The following QPRT variants were observed in gnomAD, a reference collection of about 807,000 sequenced individuals.
QPRT encodes the protein quinolinate phosphoribosyltransferase.
A neutral mutation model predicts 19.8 loss-of-function variants in QPRT; 17 were observed. The ratio of observed to expected loss-of-function variants is 0.86; its 90% CI spans 0.59 to 1.29. The LOEUF (loss-of-function observed/expected upper bound fraction) is 1.29, where lower values mean the gene tolerates loss of function less well. Among genes scored for constraint, QPRT ranks in the 50% most tolerant of loss-of-function variants. QPRT has a pLI of 0.00. For missense variants in QPRT, 336 were observed against 405.1 expected, an observed-to-expected ratio of 0.83 and a Z score of 1.46; for synonymous variants, 178 against 191.0, an observed-to-expected ratio of 0.93 and a Z score of 0.56.
chr16:29,695,835 T>C (rs905368612), intron 2 of QPRT: 1 of 146,864 alleles, frequency 6.8e-6, no homozygotes, highest in Non-Finnish European at 1.4e-5. Flanking sequence ...GGTCTCACTA[T>C]GTTGCCCAGG....
chr16:29,679,943 T>A (rs933854354), intron 1 of QPRT, among the ~76,000 whole-genome samples: 2 of 151,526 alleles, frequency 1.3e-5, no homozygotes, highest in Admixed American at 1.3e-4. Flanking sequence ...AGCATATGTC[T>A]AACTACTAAG....
At chr16:29,679,776 G>A (rs1420949687) in intron 1 of QPRT, among the ~76,000 whole-genome samples, 2 of 152,130 alleles carry the variant, frequency 1.3e-5, no homozygotes, top group Non-Finnish European at 2.9e-5. Flanking sequence ...TTGCTAAAGT[G>A]AAGGCTGCAG....
chr16:29,697,638 A>G lies in QPRT; in HGVS notation c.*227A>G, dbSNP rs1291715804. 2 of 565,666 alleles carry G rather than the reference A, an allele frequency of 3.5e-6. No individual in the cohort carries two copies. Among genetic ancestry groups the G allele is most frequent in the African/African-American group, 1.9e-5 (1 of 52,978 alleles). The allele number at this position is 565,666 out of a possible 1,614,324, so 35.0% of individuals were successfully genotyped here. ...ATGGGTCTAATAAAGGATCAACCAC[A>G]TGGGGTTCTGCGGTGATAATGAGCA... On this transcript the variant is annotated 3_prime_UTR_variant, in exon 4 of 4. Transcript: ENST00000395384. This position sits in a 1 kb window ranked among gnomAD's most constrained non-coding sequence, Gnocchi z 4.4.
chr16:29,687,432 TG>T (rs1305709653), intron 1 of QPRT, among the ~76,000 whole-genome samples: 1 of 152,234 alleles, frequency 6.6e-6, no homozygotes, highest in Non-Finnish European at 1.5e-5. Flanking sequence ...GCCCAGGCTC[TG>T]GGGCCGCACA....
At chr16:29,691,238 A>T (rs13337067) in intron 1 of QPRT, among the ~76,000 whole-genome samples, 1 of 150,824 alleles carries the variant, frequency 6.6e-6, no homozygotes, top group Non-Finnish European at 1.5e-5. Context: ...GGTGGCGGGC[A>T]CCTGTAATCC....
intron 1 of QPRT, among the ~76,000 whole-genome samples, chr16:29,694,053 G>T (rs1182122554): frequency 6.6e-6 from 1 of 151,852 alleles, no homozygotes; most frequent in Non-Finnish European, 1.5e-5. Flanking sequence ...GACCTCAAGT[G>T]ATCTGCCTGC....
At chr16:29,683,150 G>A (rs1009815588) in intron 1 of QPRT, among the ~76,000 whole-genome samples, 5 of 151,260 alleles carry the variant, frequency 3.3e-5, no homozygotes, top group Non-Finnish European at 7.4e-5. Flanking sequence ...CCAGTCTCCC[G>A]AGTAGCTGGG....
intron 1 of QPRT, among the ~76,000 whole-genome samples, chr16:29,691,558 G>C (rs529609954): frequency 1.3e-5 from 2 of 152,042 alleles, no homozygotes; most frequent in South Asian, 4.2e-4. Flanking sequence ...TGGTTGGTGT[G>C]CGCCTGTAGT....
chr16:29,697,210 C>T lies in QPRT; in HGVS notation c.693C>T (p.Pro231=). The stretch of plus-strand genomic sequence containing the variant: ...CTTGTGTCCCGCAGGAGCTGCACCC[C>T]ACGGCCACCGTGCTGAAGGCCCAGT... ...LDNFKPEELH[P]TATVLKAQFP... Residue 231 remains proline (P), a synonymous_variant, in exon 4 of 4, where the codon CCC becomes CCT. Transcript: ENST00000395384. The surrounding 1 kb of genome is among the most constrained non-coding windows in gnomAD (Gnocchi z 4.4). 6.2e-7 allele frequency: 1 copy of T among 1,610,388 alleles called. No homozygotes were observed. The highest frequency in any genetic ancestry group is 8.5e-7 in the Non-Finnish European group (1 of 1,177,594).
chr16:29,689,713 CTG>C (rs1343974813), intron 1 of QPRT, among the ~76,000 whole-genome samples: 3 of 152,108 alleles, frequency 2.0e-5, no homozygotes, highest in Non-Finnish European at 1.5e-5. Context: ...GACCTAGCAA[CTG>C]TTGTTATCTA....
chr16:29,681,541 G>C, intron 1 of QPRT, among the ~76,000 whole-genome samples: 1 of 122,208 alleles, frequency 8.2e-6, no homozygotes. Context: ...CTGTTGTCCA[G>C]GCTGGAGTGC....
intron 1 of QPRT, among the ~76,000 whole-genome samples, chr16:29,692,588 T>C (rs1293862619): frequency 6.8e-6 from 1 of 146,232 alleles, no homozygotes; most frequent in Non-Finnish European, 1.5e-5. Flanking sequence ...AAAGTGTGGG[T>C]ATATAGTAGG....
chr16:29,695,243 A>ACCCCT lies in QPRT; in HGVS notation c.549+61_549+65dup, dbSNP rs1227759938. ...CCTGGTCCAACCCCACCCTCAGCAC[A>ACCCCT]CCCCTCCCCTCCCCTCCCCTCTCCA... On this transcript the variant is annotated intron_variant, in intron 2 of 3. Coordinates refer to ENST00000395384, the MANE Select transcript of QPRT (RefSeq NM_014298.6). The ACCCCT allele has an allele frequency of 6.0e-5, 88 of 1,472,166 alleles. 1 individual carries two copies. The South Asian group carries it at 1.0e-3, about 17-fold the overall frequency. The allele number at this position is 1,472,166 out of a possible 1,614,324, so 91.2% of individuals were successfully genotyped here. A position where few individuals can be genotyped will look rare whatever the true frequency, so the allele number is the denominator to read the frequency against.
At chr16:29,681,400 C>G (rs1966997591) in intron 1 of QPRT, among the ~76,000 whole-genome samples, 3 of 151,446 alleles carry the variant, frequency 2.0e-5, no homozygotes. Context: ...TTCATGAACC[C>G]CAGAATTTGC....
In QPRT at chr16:29,694,949, G is replaced by A; in HGVS notation, c.299G>A (p.Gly100Glu). 6.2e-7 allele frequency: 1 copy of A among 1,611,402 alleles called. No individual in the cohort carries two copies. Among genetic ancestry groups the A allele is most frequent in the Non-Finnish European group, 8.5e-7 (1 of 1,179,680 alleles). ...GGCCCTGCCCACTGCCTGCTGCTGG[G>A]GGAACGGGTGGCCCTCAACACGCTG... ...VRGPAHCLLL[G>E]ERVALNTLAR... Residue 100 changes from glycine (G) to glutamate (E), a missense_variant, in exon 2 of 4, where the codon GGG (glycine) becomes GAG (glutamate). Physicochemically the swap from Gly to Glu is moderately conservative, Grantham distance 98. Transcript: ENST00000395384.
intron 1 of QPRT, among the ~76,000 whole-genome samples, chr16:29,681,107 G>C (rs1055942152): frequency 1.3e-5 from 2 of 151,358 alleles, no homozygotes; most frequent in African/African-American, 4.9e-5. Context: ...GTCCCATGCA[G>C]GATGCCACGC....
rs1967594214 is a variant in QPRT at position 29,697,748 on chromosome 16, G to A, written c.*337G>A. 9.3e-6 allele frequency: 2 copies of A among 215,500 alleles called. No homozygotes were observed. Among genetic ancestry groups the A allele is most frequent in the East Asian group, 2.3e-4 (2 of 8,634 alleles). 13.3% of individuals were successfully genotyped at this position (215,500 alleles called of 1,614,324 possible). The stretch of plus-strand genomic sequence containing the variant: ...CACCTGTAATCCCAGCACTTTGGGA[G>A]GCTGAGGCGGGAAGATCACTTGAGT... On this transcript the variant is annotated 3_prime_UTR_variant, in exon 4 of 4. Transcript: ENST00000395384. This position sits in a 1 kb window ranked among gnomAD's most constrained non-coding sequence, Gnocchi z 4.4.
intron 1 of QPRT, among the ~76,000 whole-genome samples, chr16:29,691,428 C>T (rs1220089067): frequency 1.3e-5 from 2 of 148,986 alleles, no homozygotes; most frequent in South Asian, 2.1e-4. Flanking sequence ...TCCTGTAATC[C>T]CAGGACTTTG....
chr16:29,694,704 G>C lies in QPRT; in HGVS notation c.54G>C (p.Leu18=). 17 of 1,568,942 alleles carry C rather than the reference G, an allele frequency of 1.1e-5. No individual in the cohort carries two copies. The highest frequency in any genetic ancestry group is 1.5e-5 in the Non-Finnish European group (17 of 1,155,082). The change falls in exon 2 of 4, where the codon CTG becomes CTC. Residue 18 remains leucine, a synonymous_variant. Transcript: ENST00000395384. The stretch of plus-strand genomic sequence containing the variant: ...TGCCGCCCGTCACCCTGGCAGCCCT[G>C]GTGGACAGCTGGCTCCGAGAGGACT... ...LLLPPVTLAA[L]VDSWLREDCP...
Sources: gnomAD v4.1 joint callset for allele counts (sites outside exome capture counted in the v4.1 genomes callset) on GRCh38, gnomAD v4.1.1 for gene constraint, Gnocchi (gnomAD v3.1) non-coding constraint, MANE v1.5 for transcripts, NCBI Gene and HGNC (gene_info 2026-07-23, HGNC 2026-07-21) for gene names.